The following PKLR variants were observed in gnomAD, a reference collection of about 807,000 sequenced individuals.
PKLR encodes pyruvate kinase PKLR.
Under a neutral mutation model 53.6 loss-of-function variants are expected in PKLR, and 38 were observed. That is an observed-to-expected ratio of 0.71 (90% CI 0.55 to 0.93). PKLR has a LOEUF of 0.93. PKLR is among the 40% of genes least tolerant of loss of function. The probability of loss-of-function intolerance (pLI) is 0.00; values close to 1 mark genes in which losing one functional copy is unlikely to be tolerated. For missense variants in PKLR, 702 were observed against 787.3 expected (o/e 0.89, Z 1.30); for synonymous variants, 328 against 316.2 (o/e 1.04, Z -0.39).
chr1:155,297,771 C>T (rs958700189), intron 2 of PKLR, among the ~76,000 whole-genome samples: 1 of 152,166 alleles, frequency 6.6e-6, no homozygotes, highest in African/African-American at 2.4e-5. Context: ...CTCTTCATGT[C>T]TGCCGCTCTT....
chr1:155,298,501 TG>T (rs1364589736), intron 2 of PKLR, among the ~76,000 whole-genome samples: 6 of 151,338 alleles, frequency 4.0e-5, no homozygotes, highest in African/African-American at 9.7e-5. Flanking sequence ...GATAATTTTT[TG>T]TATTTTTAGT....
chr1:155,301,182 C>A, intron 1 of PKLR, 114 bp downstream of exon 1: 1 of 1,413,426 alleles, frequency 7.1e-7, no homozygotes, highest in Non-Finnish European at 9.9e-7. Flanking sequence ...ACGTTCCTCT[C>A]CAAAACCCAC....
intron 2 of PKLR, among the ~76,000 whole-genome samples, chr1:155,297,248 T>C (rs1423564740): frequency 6.6e-6 from 1 of 152,182 alleles, no homozygotes; most frequent in Non-Finnish European, 1.5e-5. Flanking sequence ...TGTACCTGAC[T>C]GCCCCCTCTA....
At chr1:155,296,544 C>T (rs8177968) in intron 2 of PKLR, among the ~76,000 whole-genome samples, 53,132 of 151,552 alleles carry the variant, frequency 0.35, 10,346 homozygotes, top group East Asian at 0.7. Flanking sequence ...GGGGTTTCAC[C>T]ATGCTGGCCA....
Position 155,294,319 on chromosome 1 carries a change from G to A in PKLR, c.1032C>T (p.Ile344=), listed in dbSNP as rs1480868711. The change falls in exon 7 of 11, where the codon ATC becomes ATT. Residue 344 remains isoleucine (I), a synonymous_variant. Coordinates refer to ENST00000342741, the MANE Select transcript of PKLR (RefSeq NM_000298.6). ...MVARGDLGIE[I]PAEKVFLAQK... is the part of the protein sequence containing the mutation. The stretch of plus-strand genomic sequence containing the variant: ...GAGCCAGGAAAACCTTCTCTGCTGG[G>A]ATCTCGATGCCTAGGTCCCCCCGTG... 4 of 1,614,084 alleles carry A rather than the reference G, an allele frequency of 2.5e-6. No homozygotes were observed. In the South Asian group the frequency reaches 4.4e-5, roughly 18 times the overall value.
upstream of PKLR, among the ~76,000 whole-genome samples, chr1:155,302,734 G>C (rs1277244547): frequency 6.6e-6 from 1 of 151,616 alleles, no homozygotes; most frequent in Non-Finnish European, 1.5e-5. Context: ...GTGCACTCGT[G>C]TGATCATGGC....
chr1:155,295,660 C>A lies in PKLR; in HGVS notation c.375+5G>T. 5 of 1,614,124 alleles carry A rather than the reference C, an allele frequency of 3.1e-6. No individual in the cohort carries two copies. Among genetic ancestry groups the A allele is most frequent in the Non-Finnish European group, 4.2e-6 (5 of 1,180,012 alleles). ...CCACCCACTGCCCGGCGGCCCGTCCCGCACCTCGTGGGAGCCGTGGGAGAA... is the reference window on the plus strand; with the variant it reads ...CCACCCACTGCCCGGCGGCCCGTCCAGCACCTCGTGGGAGCCGTGGGAGAA... On this transcript the variant is annotated splice_donor_5th_base_variant and intron_variant, in intron 3 of 10. Coordinates refer to ENST00000342741, the MANE Select transcript of PKLR (RefSeq NM_000298.6). The surrounding 1 kb of genome is among the most constrained non-coding windows in gnomAD (Gnocchi z 4.3).
chr1:155,303,905 G>C (rs1648159468), upstream of PKLR, among the ~76,000 whole-genome samples: 1 of 152,156 alleles, frequency 6.6e-6, no homozygotes, highest in Admixed American at 6.6e-5. Context: ...ATGGAGAAAG[G>C]GGTTTTCCAT....
chr1:155,296,954 T>C (rs564782057), intron 2 of PKLR, among the ~76,000 whole-genome samples: 1 of 152,208 alleles, frequency 6.6e-6, no homozygotes, highest in African/African-American at 2.4e-5. Context: ...CCTCCTCTAT[T>C]GGCCCATCAG....
intron 2 of PKLR, among the ~76,000 whole-genome samples, chr1:155,298,041 C>CTTTCT (rs936673538): frequency 3.9e-5 from 6 of 152,010 alleles, no homozygotes; most frequent in South Asian, 2.1e-4. Flanking sequence ...TTCACTTTTT[C>CTTTCT]TTTCTTTTCT....
At chr1:155,308,019 C>T in the PKLR span, among the ~76,000 whole-genome samples, 1 of 151,630 alleles carries the variant, frequency 6.6e-6, no homozygotes, top group African/African-American at 2.4e-5. Flanking sequence ...GCAGGTGATC[C>T]GCCCAAAGTG....
At chr1:155,294,820 A>C in intron 5 of PKLR, 68 bp from the exon 6 acceptor site, 1 of 1,585,860 alleles carries the variant, frequency 6.3e-7, no homozygotes, top group Non-Finnish European at 8.6e-7. Context: ...CAGAGAGGAC[A>C]CTGGGGCTTG....
At chr1:155,299,491 CTTTTTTTTTTTT>C (rs35869567) in intron 2 of PKLR, among the ~76,000 whole-genome samples, 29 of 42,762 alleles carry the variant, frequency 6.8e-4, no homozygotes, top group African/African-American at 1.4e-3. Context: ...GCCCAGCCCA[CTTTTTTTTTTTT>C]TTTTTTTTTT....
rs1647494546 is a variant in PKLR at position 155,295,167 on chromosome 1, C to A, written c.643G>T (p.Gly215Cys). ...PNIVRVVPVG[G>C]RIYIDDGLIS... ...AGCCCGTCGTCAATGTAGATGCGGC[C>A]CCCCACCGGCACGACCCGGACAATA... is the stretch of plus-strand genomic sequence containing the variant. The change falls in exon 5 of 11, where the codon GGC becomes TGC. Residue 215 changes from glycine to cysteine, a missense_variant. Around this residue, in one of 2 missense-constraint regions of PKLR, gnomAD observed 519 missense variants for 537.1 expected, o/e 0.97. Coordinates refer to ENST00000342741, the MANE Select transcript of PKLR (RefSeq NM_000298.6). This position sits in a 1 kb window ranked among gnomAD's most constrained non-coding sequence, Gnocchi z 4.3. 1 of 1,613,966 alleles carries A rather than the reference C, an allele frequency of 6.2e-7. No individual in the cohort carries two copies. The highest frequency in any genetic ancestry group is 8.5e-7 in the Non-Finnish European group (1 of 1,179,986).
intron 2 of PKLR, among the ~76,000 whole-genome samples, chr1:155,298,518 C>T (rs1333429447): frequency 2.0e-5 from 3 of 150,092 alleles, no homozygotes; most frequent in East Asian, 2.0e-4. Context: ...TTAGTAGAGA[C>T]GGGGTTTCTC....
chr1:155,303,373 C>T (rs1208476966), upstream of PKLR, among the ~76,000 whole-genome samples: 2 of 152,152 alleles, frequency 1.3e-5, no homozygotes, highest in African/African-American at 4.8e-5. Context: ...CATTAGTTAC[C>T]ATTTGCCCAT....
upstream of PKLR, among the ~76,000 whole-genome samples, chr1:155,304,965 G>A (rs1467943818): frequency 6.6e-6 from 1 of 152,166 alleles, no homozygotes; most frequent in Non-Finnish European, 1.5e-5. Flanking sequence ...CTCTGCTGTG[G>A]GGCCAGGAGG....
At chr1:155,306,817 T>C in the PKLR span, among the ~76,000 whole-genome samples, 1 of 152,212 alleles carries the variant, frequency 6.6e-6, no homozygotes, top group Non-Finnish European at 1.5e-5. This position sits in a 1 kb window ranked among gnomAD's most constrained non-coding sequence, Gnocchi z 4.2. Context: ...CCGGAGTTTG[T>C]TCCTTCTGAT....
chr1:155,302,237 C>CTTT (rs35615990), upstream of PKLR, among the ~76,000 whole-genome samples: 1 of 118,952 alleles, frequency 8.4e-6, no homozygotes, highest in Non-Finnish European at 1.7e-5. Context: ...CTTTTCTTTT[C>CTTT]TTTTTTTTTT....
Sources: allele counts gnomAD v4.1 joint callset (sites outside exome capture counted in the v4.1 genomes callset), GRCh38; gene constraint gnomAD v4.1.1; regional missense constraint gnomAD v4.1.1; non-coding constraint Gnocchi (gnomAD v3.1); transcripts MANE v1.5; gene names NCBI Gene and HGNC (gene_info 2026-07-23, HGNC 2026-07-21).